TSHZ2: variants seen among roughly 807,000 people sequenced by gnomAD.
TSHZ2 encodes the protein teashirt zinc finger homeobox 2, also known as teashirt homolog 2.
A neutral mutation model predicts 74.4 loss-of-function variants in TSHZ2; 21 were observed. The ratio of observed to expected loss-of-function variants is 0.28; its 90% CI spans 0.20 to 0.41. The LOEUF (loss-of-function observed/expected upper bound fraction) is 0.41. Among genes scored for constraint, TSHZ2 ranks in the 10% least tolerant of loss-of-function variants. TSHZ2 has a pLI of 1.00. For synonymous variants in TSHZ2, 540 were observed against 515.3 expected, an observed-to-expected ratio of 1.05 and a Z score of -0.65; for missense variants, 1,244 against 1,293.5, an observed-to-expected ratio of 0.96 and a Z score of 0.59.
At chr20:53,158,083 A>G (rs970284938) in intron 1 of TSHZ2, among the ~76,000 whole-genome samples, 2 of 152,148 alleles carry the variant, frequency 1.3e-5, no homozygotes. Context: ...GATCTGAATG[A>G]AGTGAGGAAG....
intron 1 of TSHZ2, among the ~76,000 whole-genome samples, chr20:53,166,853 GA>G (rs1189930872): frequency 6.6e-6 from 1 of 152,076 alleles, no homozygotes; most frequent in Non-Finnish European, 1.5e-5. Flanking sequence ...TCAATGGTTT[GA>G]AAAAGACAAT....
At chr20:53,387,607 A>G (rs535619237) in intron 2 of TSHZ2, among the ~76,000 whole-genome samples, 4 of 152,250 alleles carry the variant, frequency 2.6e-5, no homozygotes, top group South Asian at 2.1e-4. Context: ...GAAGAAACCA[A>G]CCTGACACTT....
chr20:53,130,460 A>G (rs1987072446), intron 1 of TSHZ2, among the ~76,000 whole-genome samples: 1 of 152,078 alleles, frequency 6.6e-6, no homozygotes, highest in Non-Finnish European at 1.5e-5. Flanking sequence ...CCCCATCTCT[A>G]CTAAAAATAC....
At chr20:53,229,203 C>A (rs1477378332) in intron 1 of TSHZ2, among the ~76,000 whole-genome samples, 1 of 151,390 alleles carries the variant, frequency 6.6e-6, no homozygotes, top group Non-Finnish European at 1.5e-5. Flanking sequence ...AATGAATGAG[C>A]CCCAAAGTGA....
intron 2 of TSHZ2, among the ~76,000 whole-genome samples, chr20:53,378,132 G>A (rs547160855): frequency 5.1e-4 from 77 of 152,174 alleles, no homozygotes; most frequent in African/African-American, 1.8e-3. Flanking sequence ...CTGAGGTCAG[G>A]AGTTCAATAC....
chr20:53,228,061 C>T (rs1467424158), intron 1 of TSHZ2, among the ~76,000 whole-genome samples: 159 of 112,868 alleles, frequency 1.4e-3, no homozygotes, highest in African/African-American at 4.9e-3. Context: ...TTGCTGGTAT[C>T]ATTTAAGATA....
intron 2 of TSHZ2, among the ~76,000 whole-genome samples, chr20:53,341,733 G>T (rs369387394): frequency 2.6e-5 from 4 of 151,980 alleles, no homozygotes. Flanking sequence ...GGGCTGGGGG[G>T]ACAGAGCTGC....
chr20:53,005,770 C>T (rs1982621508), intron 1 of TSHZ2, among the ~76,000 whole-genome samples: 1 of 152,146 alleles, frequency 6.6e-6, no homozygotes, highest in Non-Finnish European at 1.5e-5. Context: ...TATTCTCTGG[C>T]TAGATTTTCT....
At chr20:53,061,566 T>C (rs749259504) in intron 1 of TSHZ2, among the ~76,000 whole-genome samples, 8 of 152,206 alleles carry the variant, frequency 5.3e-5, no homozygotes, top group African/African-American at 1.4e-4. Context: ...TGTAGAGTTG[T>C]TGAGCTGAAC....
chr20:53,440,567 G>C (rs2145754690), intron 2 of TSHZ2, among the ~76,000 whole-genome samples: 1 of 152,300 alleles, frequency 6.6e-6, no homozygotes, highest in African/African-American at 2.4e-5. Context: ...CAGGACCACA[G>C]CAGTGGGGAA....
At chr20:53,014,408 G>A (rs1982962377) in intron 1 of TSHZ2, among the ~76,000 whole-genome samples, 1 of 152,124 alleles carries the variant, frequency 6.6e-6, no homozygotes, top group South Asian at 2.1e-4. Flanking sequence ...ATGTTGAAGT[G>A]ATTAGAAAAA....
chr20:53,020,446 C>T (rs928994054), intron 1 of TSHZ2, among the ~76,000 whole-genome samples: 20 of 152,160 alleles, frequency 1.3e-4, no homozygotes, highest in African/African-American at 4.1e-4. Flanking sequence ...TATCCTAACT[C>T]GCATTACAAG....
chr20:53,150,015 G>C (rs1987637775), intron 1 of TSHZ2, among the ~76,000 whole-genome samples: 1 of 152,200 alleles, frequency 6.6e-6, no homozygotes, highest in South Asian at 2.1e-4. Context: ...GTAATAAAAA[G>C]AAGTTAACAC....
intron 1 of TSHZ2, among the ~76,000 whole-genome samples, chr20:52,974,568 C>G (rs1466722029): frequency 1.3e-5 from 2 of 152,118 alleles, no homozygotes; most frequent in African/African-American, 4.8e-5. Context: ...TAAGACTGGT[C>G]TTCTGCAGAC....
At chr20:53,037,423 C>T (rs1391271086) in intron 1 of TSHZ2, among the ~76,000 whole-genome samples, 2 of 152,222 alleles carry the variant, frequency 1.3e-5, no homozygotes, top group African/African-American at 2.4e-5. Context: ...CGTGAAAAGA[C>T]ATGGACCTAA....
intron 2 of TSHZ2, among the ~76,000 whole-genome samples, chr20:53,447,596 C>T (rs1043872121): frequency 6.6e-6 from 1 of 152,218 alleles, no homozygotes; most frequent in Non-Finnish European, 1.5e-5. Context: ...TGGGCTCTTA[C>T]ATTGGATTTA....
At chr20:53,253,423 C>T (rs754994796) in intron 1 of TSHZ2, 76 bp from the exon 2 acceptor site, 34 of 1,511,032 alleles carry the variant, frequency 2.3e-5, no homozygotes, top group Non-Finnish European at 2.7e-5. Context: ...ATGGGAAGCA[C>T]TTAGTCTATG....
chr20:53,263,574 G>A (rs1438883551), intron 2 of TSHZ2, among the ~76,000 whole-genome samples: 1 of 152,114 alleles, frequency 6.6e-6, no homozygotes, highest in African/African-American at 2.4e-5. Context: ...GATGTGTTTT[G>A]GTTTAGTTCG....
intron 2 of TSHZ2, among the ~76,000 whole-genome samples, chr20:53,303,293 A>G (rs1201125990): frequency 1.3e-5 from 2 of 152,198 alleles, no homozygotes; most frequent in Non-Finnish European, 2.9e-5. Context: ...GATGACGTCT[A>G]TCTTGTTGAG....
Sources: gnomAD v4.1 joint callset for allele counts (sites outside exome capture counted in the v4.1 genomes callset) on GRCh38, gnomAD v4.1.1 for gene constraint, MANE v1.5 for transcripts, NCBI Gene and HGNC (gene_info 2026-07-23, HGNC 2026-07-21) for gene names.